Variants in DSCAM observed in about 807,000 individuals in gnomAD.
DSCAM encodes cell adhesion molecule DSCAM.
In DSCAM, 47 loss-of-function variants were observed where a neutral mutation model predicts 217.7. The observed-to-expected ratio is 0.22, with a 90% CI of 0.17 to 0.28. The LOEUF is 0.28. DSCAM is among the 10% of genes least tolerant of loss of function. The probability of loss-of-function intolerance (pLI) is 1.00; values close to 1 mark genes in which losing one functional copy is unlikely to be tolerated. For synonymous variants in DSCAM, 1,056 were observed against 1,015.3 expected, an observed-to-expected ratio of 1.04 and a Z score of -0.76; for missense variants, 2,080 against 2,618.3, an observed-to-expected ratio of 0.79 and a Z score of 4.49.
rs1023294425 is a variant in DSCAM, at chr21:40,619,219, G to A, written c.508+73591C>T. Among the ~76,000 whole-genome samples the A allele has an allele frequency of 2.0e-5, 3 of 152,028 alleles. No individual in the cohort carries two copies. The South Asian group carries it at 6.2e-4, about 32-fold the overall frequency. On this transcript the variant is annotated intron_variant, in intron 3 of 32. Coordinates refer to ENST00000400454, the MANE Select transcript of DSCAM (RefSeq NM_001389.5). ...ATAGCATTCTGAGATGAATGTCAGA[G>A]GATCCTTCTCCCATGAAACTATACC... is the stretch of plus-strand genomic sequence containing the variant.
At chr21:40,585,334 T>TTAAAAGAACACATATGCAAAA (rs2076937272) in intron 3 of DSCAM, among the ~76,000 whole-genome samples, 1 of 53,310 alleles carries the variant, frequency 1.9e-5, no homozygotes, top group Non-Finnish European at 5.0e-5. Flanking sequence ...AGAAAAATGC[T>TTAAAAGAACACATATGCAAAA]GCGTGAACCC....
intron 3 of DSCAM, among the ~76,000 whole-genome samples, chr21:40,375,432 A>G (rs34730928): frequency 0.043 from 6,476 of 152,270 alleles, 221 homozygotes; most frequent in African/African-American, 0.096. Flanking sequence ...CACCATACCC[A>G]GGCCATGCTG....
intron 15 of DSCAM, among the ~76,000 whole-genome samples, chr21:40,175,175 C>T (rs960463618): frequency 2.0e-5 from 3 of 152,148 alleles, no homozygotes; most frequent in Admixed American, 6.5e-5. Flanking sequence ...AGTGGCACGA[C>T]CTTGGCTCAC....
Position 40,139,044 on chromosome 21 carries a change from TGTG to T in DSCAM, c.3406+3511_3406+3513del, listed in dbSNP as rs537888789. On this transcript the variant is annotated intron_variant, in intron 18 of 32. Coordinates refer to ENST00000400454, the MANE Select transcript of DSCAM (RefSeq NM_001389.5). ...TGTGTAGTGTGTGTGTAGTGTGTGT[TGTG>T]TGTGTGTGTATGTATGTGTGGTGTG... is the stretch of plus-strand genomic sequence containing the variant. Among the ~76,000 whole-genome samples the T allele has an allele frequency of 9.2e-5, 13 of 142,046 alleles. No homozygotes were observed. The South Asian group carries it at 2.3e-3, about 25-fold the overall frequency. 93.2% of individuals were successfully genotyped at this position (142,046 alleles called of 152,430 possible). A position where few individuals can be genotyped will look rare whatever the true frequency, so the allele number is the denominator to read the frequency against.
chr21:40,493,558 G>A (rs977045510), intron 3 of DSCAM, among the ~76,000 whole-genome samples: 1 of 152,032 alleles, frequency 6.6e-6, no homozygotes, highest in African/African-American at 2.4e-5. Context: ...GATCCAAATT[G>A]TGACATCAAA....
chr21:40,647,303 C>G (rs2089959483), intron 3 of DSCAM, among the ~76,000 whole-genome samples: 1 of 152,162 alleles, frequency 6.6e-6, no homozygotes, highest in Non-Finnish European at 1.5e-5. Context: ...TATTTATATC[C>G]TTATTTCTGG....
intron 3 of DSCAM, among the ~76,000 whole-genome samples, chr21:40,519,703 T>C (rs778947987): frequency 6.6e-6 from 1 of 152,100 alleles, no homozygotes; most frequent in Non-Finnish European, 1.5e-5. Flanking sequence ...AGAGGAGAAA[T>C]TGTGACTCAA....
chr21:40,662,490 A>G (rs1226120417), intron 3 of DSCAM, among the ~76,000 whole-genome samples: 1 of 152,208 alleles, frequency 6.6e-6, no homozygotes, highest in Admixed American at 6.5e-5. Flanking sequence ...ACAAGCATGC[A>G]TTGAACAGCA....
chr21:40,663,827 G>A (rs7279323), intron 3 of DSCAM, among the ~76,000 whole-genome samples: 58,038 of 151,984 alleles, frequency 0.38, 11,660 homozygotes, highest in Non-Finnish European at 0.45. Flanking sequence ...TGGGCCTGAA[G>A]GCAGTTACTC....
At chr21:40,631,254 T>C (rs2089687783) in intron 3 of DSCAM, among the ~76,000 whole-genome samples, 1 of 152,112 alleles carries the variant, frequency 6.6e-6, no homozygotes, top group Non-Finnish European at 1.5e-5. Flanking sequence ...CCCATGTCAT[T>C]TGTCTTCTTG....
Position 40,818,521 on chromosome 21 carries a change from G to C in DSCAM, c.43+28098C>G, listed in dbSNP as rs1369856602. On this transcript the variant is annotated intron_variant, in intron 1 of 32. Transcript: ENST00000400454. ...AGATCGCACCACTGCACTCCAGCCT[G>C]GGCTACACAGCCAGACTCCGTCTCA... Among the ~76,000 whole-genome samples the C allele has an allele frequency of 2.5e-5, 3 of 120,564 alleles. No homozygotes were observed. In the Admixed American group the frequency reaches 3.5e-4, roughly 14 times the overall value. The allele number at this position is 120,564 out of a possible 152,430, so 79.1% of individuals were successfully genotyped here.
chr21:40,768,146 A>G (rs1695890649), intron 1 of DSCAM, among the ~76,000 whole-genome samples: 1 of 152,232 alleles, frequency 6.6e-6, no homozygotes, highest in African/African-American at 2.4e-5. Flanking sequence ...TAACTTCATT[A>G]AAGAAAACAT....
intron 3 of DSCAM, among the ~76,000 whole-genome samples, chr21:40,636,287 C>A (rs1411544830): frequency 6.6e-6 from 1 of 151,980 alleles, no homozygotes; most frequent in Non-Finnish European, 1.5e-5. Flanking sequence ...TACTGTGGTT[C>A]TCGGGGGCTT....
At chr21:40,411,173 TATACACAC>T (rs58289553) in intron 3 of DSCAM, among the ~76,000 whole-genome samples, 14,184 of 134,612 alleles carry the variant, frequency 0.11, 961 homozygotes, top group African/African-American at 0.17. Flanking sequence ...ACAGTAATTA[TATACACAC>T]ACACACACAC....
chr21:40,366,459 C>G (rs2074833687), intron 4 of DSCAM, among the ~76,000 whole-genome samples: 1 of 152,014 alleles, frequency 6.6e-6, no homozygotes, highest in Admixed American at 6.6e-5. Context: ...CCAAAATATG[C>G]CACTTTTTGT....
chr21:40,638,342 C>CT (rs1323420714), intron 3 of DSCAM, among the ~76,000 whole-genome samples: 3 of 152,172 alleles, frequency 2.0e-5, no homozygotes, highest in Non-Finnish European at 4.4e-5. Flanking sequence ...CCATGCATAA[C>CT]TTTAACAAAT....
chr21:40,656,351 T>C (rs1279018489), intron 3 of DSCAM, among the ~76,000 whole-genome samples: 1 of 152,200 alleles, frequency 6.6e-6, no homozygotes, highest in Non-Finnish European at 1.5e-5. Context: ...TGTGAAAATG[T>C]TCATCGCTTT....
rs2090804514 is a variant in DSCAM at position 40,713,390 on chromosome 21, T to C, written c.44-4619A>G. Among the ~76,000 whole-genome samples, 8 of 152,344 alleles carry C rather than the reference T, an allele frequency of 5.3e-5. No individual in the cohort carries two copies. The South Asian group carries it at 1.2e-3, about 24-fold the overall frequency. ...TGTGTCACAGTTACATTAGGAAACT[T>C]GCTCTCGTGTGCCTATATGGAATGT... On this transcript the variant is annotated intron_variant, in intron 1 of 32. Coordinates refer to ENST00000400454, the MANE Select transcript of DSCAM (RefSeq NM_001389.5).
chr21:40,192,805 T>C (rs2090966138), intron 11 of DSCAM, among the ~76,000 whole-genome samples: 1 of 152,212 alleles, frequency 6.6e-6, no homozygotes. Flanking sequence ...ACTGCATTTT[T>C]TTAAATCCAC....
Sources: allele counts gnomAD v4.1 joint callset (sites outside exome capture counted in the v4.1 genomes callset), GRCh38; gene constraint gnomAD v4.1.1; transcripts MANE v1.5; gene names NCBI Gene and HGNC (gene_info 2026-07-23, HGNC 2026-07-21).